Variants in ADGRE3 observed in about 807,000 individuals in gnomAD.
ADGRE3 encodes EGF-like module receptor 3.
ADGRE3 carries 88 observed loss-of-function variants against 80.1 expected under a neutral mutation model. The ratio of observed to expected loss-of-function variants is 1.10; its 90% CI spans 0.93 to 1.31. The LOEUF is 1.31. Among genes scored for constraint, ADGRE3 ranks in the 40% most tolerant of loss-of-function variants. The pLI, the probability that ADGRE3 is intolerant of heterozygous loss-of-function variation, is 0.00. For missense variants in ADGRE3, 715 were observed against 776.5 expected, an observed-to-expected ratio of 0.92 and a Z score of 0.94; for synonymous variants, 281 against 294.8, an observed-to-expected ratio of 0.95 and a Z score of 0.48.
At position 14,620,570 on chromosome 19, in the gene ADGRE3, T is replaced by TA. The variant is rs1568471750; in HGVS notation, c.1921-1100_1921-1099insT. Among the ~76,000 whole-genome samples, 24 of 7,722 alleles carry TA rather than the reference T, an allele frequency of 3.1e-3. 3 individuals are homozygous for TA. The highest frequency in any genetic ancestry group is 0.017 in the East Asian group (3 of 172). The allele number at this position is 7,722 out of a possible 152,430, so 5.1% of individuals were successfully genotyped here. On this transcript the variant is annotated intron_variant, in intron 15 of 15. Transcript: ENST00000253673. ...ATATTATATATATATATATATATAT[T>TA]TTTTTTTTTTTTTTTTTTTTTTTTT... is the stretch of plus-strand genomic sequence containing the variant.
chr19:14,607,430 C>T, the ADGRE3 span, among the ~76,000 whole-genome samples: 4 of 151,778 alleles, frequency 2.6e-5, no homozygotes, highest in Non-Finnish European at 5.9e-5. Flanking sequence ...GTCTTGATCT[C>T]CTGACCTCGT....
At chr19:14,656,050 G>T (rs377199473) in intron 5 of ADGRE3, among the ~76,000 whole-genome samples, 114 of 151,560 alleles carry the variant, frequency 7.5e-4, no homozygotes, top group African/African-American at 2.7e-3. Context: ...ATAGGCAAAA[G>T]AAAAAGAAAA....
rs1390711660 is a variant in ADGRE3 at position 14,641,634 on chromosome 19, A to C, written c.1051-18T>G. 6.2e-7 allele frequency: 1 copy of C among 1,613,248 alleles called. No individual in the cohort carries two copies. Among genetic ancestry groups the C allele is most frequent in the Admixed American group, 1.7e-5 (1 of 59,804 alleles). ...TCCTCCTCCTGGGACCGAGAAAAAA[A>C]GTTCACAGTGATGCTTTCCTGCACT... On this transcript the variant is annotated intron_variant, in intron 9 of 15. Transcript: ENST00000253673.
At chr19:14,659,079 A>G (rs545521161) in intron 4 of ADGRE3, among the ~76,000 whole-genome samples, 1 of 147,460 alleles carries the variant, frequency 6.8e-6, no homozygotes, top group South Asian at 2.1e-4. Context: ...TCTGCTGCCT[A>G]GGCTGGAGTG....
the ADGRE3 span, among the ~76,000 whole-genome samples, chr19:14,601,603 A>G: frequency 3.3e-5 from 5 of 151,998 alleles, no homozygotes; most frequent in East Asian, 5.8e-4. Context: ...ATAGGACTAT[A>G]GTATGGTTTA....
At chr19:14,600,277 A>G in the ADGRE3 span, 1 of 1,442,630 alleles carries the variant, frequency 6.9e-7, no homozygotes, top group Non-Finnish European at 9.4e-7. Context: ...ATGGCAAGAA[A>G]TTAGAATTAC....
chr19:14,620,029 A>C (rs1254941225), intron 15 of ADGRE3, among the ~76,000 whole-genome samples: 1 of 152,176 alleles, frequency 6.6e-6, no homozygotes, highest in Non-Finnish European at 1.5e-5. Flanking sequence ...AGAATTTCCC[A>C]TCTAGATGCA....
At chr19:14,666,862 T>C (rs2146907000) in intron 2 of ADGRE3, among the ~76,000 whole-genome samples, 1 of 152,332 alleles carries the variant, frequency 6.6e-6, no homozygotes, top group African/African-American at 2.4e-5. Context: ...GAAAGTCTAT[T>C]CTTAATCTTT....
At chr19:14,646,553 T>C (rs1971404939) in intron 8 of ADGRE3, among the ~76,000 whole-genome samples, 1 of 151,504 alleles carries the variant, frequency 6.6e-6, no homozygotes. Flanking sequence ...ATTCTTTTTT[T>C]TTTTTTTTTT....
intron 11 of ADGRE3, among the ~76,000 whole-genome samples, chr19:14,635,390 C>T (rs1971008870): frequency 1.3e-5 from 2 of 149,750 alleles, no homozygotes; most frequent in South Asian, 4.3e-4. Context: ...CAGGCGTGAA[C>T]CACCATGCCT....
At chr19:14,636,081 C>T (rs868022379) in intron 11 of ADGRE3, among the ~76,000 whole-genome samples, 1,211 of 24,700 alleles carry the variant, frequency 0.049, 175 homozygotes, top group African/African-American at 0.061. Flanking sequence ...CTTTCCTTTC[C>T]CTTTCTTTCT....
At chr19:14,669,211 C>T (rs558950464) in intron 1 of ADGRE3, among the ~76,000 whole-genome samples, 1 of 152,276 alleles carries the variant, frequency 6.6e-6, no homozygotes, top group African/African-American at 2.4e-5. Context: ...CATATATGCA[C>T]CATGGAATAC....
At chr19:14,660,638 A>AAAG (rs71166780) in intron 4 of ADGRE3, among the ~76,000 whole-genome samples, 1 of 150,688 alleles carries the variant, frequency 6.6e-6, no homozygotes, top group Non-Finnish European at 1.5e-5. Flanking sequence ...AAAAAAAAAA[A>AAAG]GTTTCTCTCT....
At chr19:14,636,004 T>TACCTTCCTTCCTTC (rs796166536) in intron 11 of ADGRE3, among the ~76,000 whole-genome samples, 1 of 74,324 alleles carries the variant, frequency 1.3e-5, no homozygotes, top group Non-Finnish European at 2.8e-5. Flanking sequence ...TCTCTCTTTC[T>TACCTTCCTTCCTTC]CTTTCTTTCT....
chr19:14,638,174 T>C lies in ADGRE3; in HGVS notation c.1415A>G (p.Tyr472Cys), dbSNP rs371350366. 6.8e-6 allele frequency: 11 copies of C among 1,614,126 alleles called. No individual in the cohort carries two copies. The highest frequency in any genetic ancestry group is 2.2e-5 in the East Asian group (1 of 44,864). Reference sequence around the variant, plus strand: ...GGCCACAGTCACAGCGGGAACGCCATAGCCGACTGGGAACATGATCCACTT... The same window carrying C: ...GGCCACAGTCACAGCGGGAACGCCACAGCCGACTGGGAACATGATCCACTT... ...LMKWIMFPVGYGVPAVTVAIS... is the reference protein window; with the variant it reads ...LMKWIMFPVGCGVPAVTVAIS... Residue 472 changes from tyrosine (Y) to cysteine (C), a missense_variant, in exon 11 of 16, where the codon TAT becomes TGT. Physicochemically the swap from Tyr to Cys is radical, Grantham distance 194. Transcript: ENST00000253673.
chr19:14,629,547 C>T (rs1224509405), intron 14 of ADGRE3, among the ~76,000 whole-genome samples: 1 of 152,048 alleles, frequency 6.6e-6, no homozygotes, highest in African/African-American at 2.4e-5. Flanking sequence ...GTGATTTCAG[C>T]ATTGTTAGGA....
At chr19:14,668,620 TA>T in intron 2 of ADGRE3, 181 bp downstream of exon 2, 2 of 551,016 alleles carry the variant, frequency 3.6e-6, no homozygotes, top group Non-Finnish European at 3.2e-6. Flanking sequence ...AAACGATAAA[TA>T]AAAGGCTATC....
chr19:14,601,167 T>C, the ADGRE3 span, among the ~76,000 whole-genome samples: 4 of 151,948 alleles, frequency 2.6e-5, no homozygotes, highest in East Asian at 7.7e-4. Flanking sequence ...CCTCCCAAAG[T>C]GCGGGGATTA....
At chr19:14,672,860 C>T (rs753301694) in intron 1 of ADGRE3, among the ~76,000 whole-genome samples, 8 of 151,890 alleles carry the variant, frequency 5.3e-5, no homozygotes, top group East Asian at 3.9e-4. Flanking sequence ...GCAATCTTCC[C>T]GCCTTGCCTT....
Sources: allele counts gnomAD v4.1 joint callset (sites outside exome capture counted in the v4.1 genomes callset), GRCh38; gene constraint gnomAD v4.1.1; transcripts MANE v1.5; gene names NCBI Gene and HGNC (gene_info 2026-07-23, HGNC 2026-07-21).